Variants in ME2 observed in about 807,000 individuals in gnomAD.
ME2 encodes the protein NAD-dependent malic enzyme, mitochondrial.
ME2 carries 60 observed loss-of-function variants against 73.7 expected under a neutral mutation model. The ratio of observed to expected loss-of-function variants is 0.81; its 90% confidence interval spans 0.66 to 1.01. The LOEUF is 1.01. Ranked by LOEUF, ME2 falls within the 50% of genes least tolerant of loss-of-function variation. The probability of loss-of-function intolerance (pLI) is 0.00; values close to 1 mark genes in which losing one functional copy is unlikely to be tolerated. For missense variants in ME2, 594 were observed against 705.5 expected, an observed-to-expected ratio of 0.84 and a Z score of 1.79; for synonymous variants, 199 against 236.9, an observed-to-expected ratio of 0.84 and a Z score of 1.47.
intron 15 of ME2, among the ~76,000 whole-genome samples, chr18:50,941,754 C>T (rs1917967850): frequency 6.6e-6 from 1 of 150,950 alleles, no homozygotes; most frequent in Admixed American, 6.6e-5. Flanking sequence ...GCTTCTGATG[C>T]ATATTGTCAA....
chr18:50,892,613 C>T (rs1916633024), intron 1 of ME2, among the ~76,000 whole-genome samples: 4 of 152,028 alleles, frequency 2.6e-5, no homozygotes, highest in African/African-American at 9.7e-5. Context: ...TATCCTATTA[C>T]ATATCTTAAC....
intron 12 of ME2, 36 bp from the exon 13 acceptor site, chr18:50,932,222 A>G: frequency 6.4e-7 from 1 of 1,565,908 alleles, no homozygotes. Context: ...ATCCACAGAA[A>G]ATAACAAAAT....
intron 13 of ME2, 49 bp from the exon 14 acceptor site, chr18:50,939,521 T>C (rs1917895087): frequency 3.1e-6 from 4 of 1,302,696 alleles, no homozygotes; most frequent in Non-Finnish European, 4.4e-6. Flanking sequence ...TTTACTTCTT[T>C]CATAATTTGA....
intron 13 of ME2, among the ~76,000 whole-genome samples, chr18:50,937,194 A>G (rs575752380): frequency 2.0e-5 from 3 of 152,270 alleles, no homozygotes; most frequent in Admixed American, 2.0e-4. Flanking sequence ...AAAAGTAAAA[A>G]CCACATTAAA....
intron 15 of ME2, among the ~76,000 whole-genome samples, chr18:50,944,210 T>A (rs1251780946): frequency 6.6e-6 from 1 of 151,990 alleles, no homozygotes; most frequent in African/African-American, 2.4e-5. Flanking sequence ...CAAGACCCTG[T>A]CTCTAAGAAA....
At chr18:50,927,470 G>A (rs141759644) in intron 12 of ME2, among the ~76,000 whole-genome samples, 1,570 of 152,012 alleles carry the variant, frequency 0.01, 23 homozygotes, top group African/African-American at 0.036. Context: ...GGAGGCTGAG[G>A]TGGGCAGATC....
At chr18:50,915,984 A>T in intron 4 of ME2, 184 bp from the exon 5 acceptor site, 1 of 515,680 alleles carries the variant, frequency 1.9e-6, no homozygotes. Context: ...TCTGCTATGA[A>T]CAGTAATTAC....
chr18:50,907,805 A>G (rs1418551852), intron 2 of ME2, among the ~76,000 whole-genome samples: 5 of 152,180 alleles, frequency 3.3e-5, no homozygotes. Context: ...AATAATATGT[A>G]TATAAAAAAT....
Position 50,917,473 on chromosome 18 carries a change from C to T in ME2, c.595C>T (p.Leu199=). 1.2e-6 allele frequency: 2 copies of T among 1,613,052 alleles called. No individual in the cohort carries two copies. The highest frequency in any genetic ancestry group is 1.7e-6 in the Non-Finnish European group (2 of 1,179,266). ...ACAGIRPDRC[L]PVCIDVGTDN... ...TGCAGGAATACGGCCTGATAGATGC[C>T]TGCCAGTGTGTATTGATGTGGGAAC... Residue 199 remains leucine, a synonymous_variant, in exon 6 of 16, where the codon CTG becomes TTG. Transcript: ENST00000321341.
At chr18:50,937,590 A>G (rs962409678) in intron 13 of ME2, among the ~76,000 whole-genome samples, 1 of 152,224 alleles carries the variant, frequency 6.6e-6, no homozygotes, top group African/African-American at 2.4e-5. Flanking sequence ...TCTTGGGGAA[A>G]AAAACAAGGA....
At chr18:50,881,021 A>T (rs1253878631) in intron 1 of ME2, among the ~76,000 whole-genome samples, 1 of 150,226 alleles carries the variant, frequency 6.7e-6, no homozygotes, top group Middle Eastern at 3.4e-3. Flanking sequence ...AATTTCAGAC[A>T]AACTAGACAT....
At chr18:50,913,016 C>A in intron 4 of ME2, 66 bp downstream of exon 4, 6 of 1,328,146 alleles carry the variant, frequency 4.5e-6, no homozygotes, top group Non-Finnish European at 4.1e-6. Context: ...TTCCATAACA[C>A]CCATTACATT....
intron 5 of ME2, chr18:50,916,464 A>C (rs1050763932): frequency 4.9e-6 from 2 of 409,748 alleles, no homozygotes; most frequent in Non-Finnish European, 8.7e-6. Context: ...GCTAGAATAC[A>C]AGGTGAGCCC....
At chr18:50,940,449 A>G in intron 15 of ME2, 63 bp downstream of exon 15, 1 of 1,098,578 alleles carries the variant, frequency 9.1e-7, no homozygotes, top group Non-Finnish European at 1.3e-6. Context: ...CAAGAAATAC[A>G]GGTTTATTAA....
chr18:50,938,373 C>T (rs570928790), intron 13 of ME2, among the ~76,000 whole-genome samples: 88 of 152,044 alleles, frequency 5.8e-4, no homozygotes, highest in African/African-American at 1.5e-3. Context: ...AGAGATTAAA[C>T]GAAAACAATC....
chr18:50,909,111 AC>A (rs1298997926), intron 3 of ME2, among the ~76,000 whole-genome samples: 1 of 150,784 alleles, frequency 6.6e-6, no homozygotes, highest in African/African-American at 2.4e-5. Context: ...GCACCACCAC[AC>A]CCGGCTAATT....
intron 12 of ME2, among the ~76,000 whole-genome samples, chr18:50,927,619 G>A (rs983587277): frequency 1.3e-5 from 2 of 150,188 alleles, no homozygotes; most frequent in Admixed American, 1.3e-4. Context: ...GGAGAATGGT[G>A]TGAACCCACG....
At chr18:50,943,810 C>G (rs897920324) in intron 15 of ME2, among the ~76,000 whole-genome samples, 1 of 152,134 alleles carries the variant, frequency 6.6e-6, no homozygotes, top group African/African-American at 2.4e-5. Context: ...TTACCTTCTA[C>G]TGCAAAACAG....
At position 50,927,052 on chromosome 18, in the gene ME2, A is replaced by G. The variant is rs1917569417; in HGVS notation, c.1314+1154A>G. On this transcript the variant is annotated intron_variant, in intron 12 of 15. Transcript: ENST00000321341. ...ATTTTTATTTACATCCGAACTGTTT[A>G]AGATTCACTACTTTTAGATCTTTGA... 2.0e-5 allele frequency among the ~76,000 whole-genome samples: 3 copies of G among 152,198 alleles called. No homozygotes were observed. The South Asian group carries it at 6.2e-4, about 31-fold the overall frequency.
Sources: allele counts gnomAD v4.1 joint callset (sites outside exome capture counted in the v4.1 genomes callset), GRCh38; gene constraint gnomAD v4.1.1; transcripts MANE v1.5; gene names NCBI Gene and HGNC (gene_info 2026-07-23, HGNC 2026-07-21).